The following COL14A1 variants were observed in gnomAD, a reference collection of about 807,000 sequenced individuals.
COL14A1 encodes collagen alpha-1(XIV) chain.
Under a neutral mutation model 230.3 loss-of-function variants are expected in COL14A1, and 136 were observed. That is an observed-to-expected ratio of 0.59 (90% CI 0.51 to 0.68). The LOEUF (loss-of-function observed/expected upper bound fraction) is 0.68. COL14A1 is among the 30% of genes least tolerant of loss of function. The probability of loss-of-function intolerance (pLI) is 0.00; values close to 1 mark genes in which losing one functional copy is unlikely to be tolerated. For synonymous variants in COL14A1, 792 were observed against 784.1 expected (o/e 1.01, Z -0.17); for missense variants, 1,976 against 2,215.8 (o/e 0.89, Z 2.17).
At chr8:120,355,996 T>A (rs1489127392) in intron 45 of COL14A1, among the ~76,000 whole-genome samples, 3 of 152,330 alleles carry the variant, frequency 2.0e-5, no homozygotes, top group Admixed American at 1.3e-4. Flanking sequence ...CTGCCAAGTG[T>A]TGCGCTCAGT....
At chr8:120,158,957 A>G (rs1174857707) in intron 3 of COL14A1, among the ~76,000 whole-genome samples, 1 of 152,206 alleles carries the variant, frequency 6.6e-6, no homozygotes, top group Non-Finnish European at 1.5e-5. Context: ...TATGAAGATG[A>G]AGATGGGATC....
intron 18 of COL14A1, 85 bp from the exon 19 acceptor site, chr8:120,231,382 C>T: frequency 7.2e-7 from 1 of 1,397,536 alleles, no homozygotes; most frequent in Non-Finnish European, 9.8e-7. Context: ...ATGATGCTTG[C>T]TGTCACCCCA....
intron 4 of COL14A1, among the ~76,000 whole-genome samples, chr8:120,166,644 G>A (rs1815884780): frequency 6.6e-6 from 1 of 152,194 alleles, no homozygotes; most frequent in South Asian, 2.1e-4. Context: ...CCCATGTGTG[G>A]GTGGGGTTGA....
In COL14A1 at chr8:120,354,262, G is replaced by A. The variant is rs1283006606; in HGVS notation, c.5077+8699G>A. 6.0e-5 allele frequency among the ~76,000 whole-genome samples: 6 copies of A among 99,696 alleles called. No homozygotes were observed. The East Asian group carries it at 2.0e-3, about 33-fold the overall frequency. The allele number at this position is 99,696 out of a possible 152,430, so 65.4% of individuals were successfully genotyped here. ...GTTGTGGGGTGGGGGGAGGGGGGAG[G>A]GATAGCATTGGGAGATATACCTAAT... is the stretch of plus-strand genomic sequence containing the variant. On this transcript the variant is annotated intron_variant, in intron 45 of 47. Transcript: ENST00000297848.
intron 5 of COL14A1, among the ~76,000 whole-genome samples, chr8:120,192,865 C>T (rs1359245579): frequency 3.9e-5 from 6 of 152,318 alleles, no homozygotes; most frequent in South Asian, 2.1e-4. Flanking sequence ...GCATTCTTCA[C>T]GTAGTTCTCG....
chr8:120,191,498 G>A (rs1313627330), intron 5 of COL14A1, among the ~76,000 whole-genome samples: 1 of 150,504 alleles, frequency 6.6e-6, no homozygotes, highest in African/African-American at 2.4e-5. Flanking sequence ...GTGTGGTGTG[G>A]TGCTGAAAAA....
intron 41 of COL14A1, among the ~76,000 whole-genome samples, 187 bp from the exon 42 acceptor site, chr8:120,332,477 T>C (rs989206595): frequency 1.3e-5 from 2 of 152,088 alleles, no homozygotes; most frequent in African/African-American, 4.8e-5. Context: ...ACACCTGATA[T>C]ATAGTGAGGA....
At chr8:120,368,923 T>C (rs1413030776) in intron 46 of COL14A1, among the ~76,000 whole-genome samples, 2 of 152,172 alleles carry the variant, frequency 1.3e-5, no homozygotes, top group African/African-American at 4.8e-5. Context: ...AACTAGATGA[T>C]GAGGTTGAGC....
intron 1 of COL14A1, among the ~76,000 whole-genome samples, chr8:120,134,681 A>T (rs1192029570): frequency 6.6e-6 from 1 of 152,208 alleles, no homozygotes; most frequent in Non-Finnish European, 1.5e-5. Context: ...TCATAAAAAG[A>T]TGAACACTCC....
chr8:120,130,218 G>C (rs1008290977), intron 1 of COL14A1, among the ~76,000 whole-genome samples: 1 of 152,158 alleles, frequency 6.6e-6, no homozygotes, highest in Admixed American at 6.5e-5. Flanking sequence ...CTTTTCTGAC[G>C]AAGGAAGCAA....
chr8:120,207,263 G>A (rs1817465533), intron 10 of COL14A1, among the ~76,000 whole-genome samples, 169 bp downstream of exon 10: 1 of 152,172 alleles, frequency 6.6e-6, no homozygotes, highest in Non-Finnish European at 1.5e-5. Flanking sequence ...CTATCTCTGA[G>A]TTATGGCAAT....
At chr8:120,354,812 A>G (rs371272138) in intron 45 of COL14A1, among the ~76,000 whole-genome samples, 1 of 152,220 alleles carries the variant, frequency 6.6e-6, no homozygotes, top group South Asian at 2.1e-4. Context: ...GGCACTTAGC[A>G]TTGAAGAGGC....
At chr8:120,197,185 T>C (rs1342950840) in intron 6 of COL14A1, among the ~76,000 whole-genome samples, 1 of 152,194 alleles carries the variant, frequency 6.6e-6, no homozygotes, top group Non-Finnish European at 1.5e-5. Flanking sequence ...CAAGTTCTTC[T>C]CTGTTACTTT....
At chr8:120,315,112 G>C (rs73329097) in intron 38 of COL14A1, among the ~76,000 whole-genome samples, 1 of 152,174 alleles carries the variant, frequency 6.6e-6, no homozygotes, top group Non-Finnish European at 1.5e-5. Flanking sequence ...GCTCATGCCT[G>C]TAATCCTAAA....
rs950667891 is a variant in COL14A1 at position 120,147,794 on chromosome 8, C to G, written c.-37-12C>G. The G allele has an allele frequency of 7.1e-7, 1 of 1,402,902 alleles. No individual in the cohort carries two copies. The highest frequency in any genetic ancestry group is 1.0e-6 in the Non-Finnish European group (1 of 1,001,366). The allele number at this position is 1,402,902 out of a possible 1,614,324, so 86.9% of individuals were successfully genotyped here. On this transcript the variant is annotated splice_polypyrimidine_tract_variant and intron_variant, in intron 1 of 47. Transcript: ENST00000297848. ...GCCTTCTCAAAAATGTTCCTGTTCT[C>G]TCTGTTTCTAGGTGGCTGCTACACC... is the stretch of plus-strand genomic sequence containing the variant.
chr8:120,181,131 A>C (rs1816451825), intron 5 of COL14A1, among the ~76,000 whole-genome samples: 1 of 152,212 alleles, frequency 6.6e-6, no homozygotes, highest in South Asian at 2.1e-4. Context: ...CTGACTGGCC[A>C]CACCAGGAGC....
intron 42 of COL14A1, among the ~76,000 whole-genome samples, chr8:120,339,705 A>G (rs769213932): frequency 1.2e-4 from 18 of 152,056 alleles, no homozygotes; most frequent in Admixed American, 5.2e-4. Context: ...CACCACACCC[A>G]TATATCCAAC....
chr8:120,125,762 T>TA (rs1814312211), intron 1 of COL14A1, among the ~76,000 whole-genome samples: 5 of 152,222 alleles, frequency 3.3e-5, no homozygotes, highest in Non-Finnish European at 7.4e-5. Flanking sequence ...TGTGTGTGCA[T>TA]AAAGAACACG....
At chr8:120,265,608 A>C (rs1280733405) in intron 24 of COL14A1, among the ~76,000 whole-genome samples, 1 of 151,610 alleles carries the variant, frequency 6.6e-6, no homozygotes, top group Non-Finnish European at 1.5e-5. Context: ...AAAAATAAAA[A>C]GCACATATAT....
Sources: allele counts gnomAD v4.1 joint callset (sites outside exome capture counted in the v4.1 genomes callset), GRCh38; gene constraint gnomAD v4.1.1; transcripts MANE v1.5; gene names NCBI Gene and HGNC (gene_info 2026-07-23, HGNC 2026-07-21).